B4GALNT3: variants seen among roughly 807,000 people sequenced by gnomAD.
B4GALNT3 encodes beta-1,4-N-acetylgalactosaminyltransferase 3.
B4GALNT3 carries 86 observed loss-of-function variants against 120.2 expected under a neutral mutation model. That is an observed-to-expected ratio of 0.72 (90% CI 0.60 to 0.86). The LOEUF (loss-of-function observed/expected upper bound fraction) is 0.86, where lower values mean the gene tolerates loss of function less well. B4GALNT3 is among the 40% of genes least tolerant of loss of function. B4GALNT3 has a pLI of 0.00. For synonymous variants in B4GALNT3, 518 were observed against 510.4 expected (o/e 1.01, Z -0.20); for missense variants, 1,167 against 1,298.9 (o/e 0.90, Z 1.56).
At chr12:512,738 T>C (rs1324187594) in intron 1 of B4GALNT3, among the ~76,000 whole-genome samples, 7 of 126,678 alleles carry the variant, frequency 5.5e-5, no homozygotes, top group Non-Finnish European at 8.2e-5. Flanking sequence ...TTCTTCCACC[T>C]TTGACCTTCC....
chr12:547,114 G>C (rs1204523533), intron 7 of B4GALNT3, among the ~76,000 whole-genome samples: 1 of 152,198 alleles, frequency 6.6e-6, no homozygotes, highest in Non-Finnish European at 1.5e-5. Context: ...GCCTCAGAGC[G>C]CCCCCTGGTG....
At chr12:523,619 C>G (rs77565971) in intron 1 of B4GALNT3, among the ~76,000 whole-genome samples, 5 of 152,164 alleles carry the variant, frequency 3.3e-5, no homozygotes, top group African/African-American at 1.2e-4. Context: ...GGCTCTAGTC[C>G]GGTCCCTAGC....
chr12:525,148 G>A (rs942042743), intron 1 of B4GALNT3, among the ~76,000 whole-genome samples: 2 of 151,032 alleles, frequency 1.3e-5, no homozygotes, highest in African/African-American at 2.4e-5. Flanking sequence ...TCGCTCTGTC[G>A]CCCGGGCTGG....
Position 460,460 on chromosome 12 carries a change from G to C in B4GALNT3, c.84G>C (p.Ala28=). The C allele has an allele frequency of 6.3e-7, 1 of 1,580,996 alleles. No homozygotes were observed. ...LLRRRFRLLL[A]LAVVSVGLWT... is the part of the protein sequence containing the mutation. The stretch of plus-strand genomic sequence containing the variant: ...GGAGGCGCTTCCGGCTGCTGCTGGC[G>C]CTCGCCGTGGTGTCTGTGGGGCTCT... Residue 28 remains alanine (A), a synonymous_variant, in exon 1 of 20, where the codon GCG becomes GCC. Transcript: ENST00000266383. This position sits in a 1 kb window ranked among gnomAD's most constrained non-coding sequence, Gnocchi z 8.0.
intron 1 of B4GALNT3, among the ~76,000 whole-genome samples, chr12:462,288 CAGAG>C (rs935732097): frequency 5.3e-5 from 8 of 151,866 alleles, no homozygotes; most frequent in Admixed American, 3.3e-4. Context: ...AAATTAAAAA[CAGAG>C]AGAAAGGCAG....
At chr12:500,437 G>A (rs1946426945) in intron 1 of B4GALNT3, among the ~76,000 whole-genome samples, 1 of 152,176 alleles carries the variant, frequency 6.6e-6, no homozygotes, top group Admixed American at 6.5e-5. Context: ...TTGTGGCTTG[G>A]TTTCTCTAAT....
chr12:519,272 G>A (rs375653796), intron 1 of B4GALNT3, among the ~76,000 whole-genome samples: 9 of 152,268 alleles, frequency 5.9e-5, no homozygotes, highest in African/African-American at 1.9e-4. Flanking sequence ...ACAGTTAATA[G>A]CTTCTCAAGG....
chr12:511,897 A>C (rs1161322848), intron 1 of B4GALNT3, among the ~76,000 whole-genome samples: 2 of 67,616 alleles, frequency 3.0e-5, no homozygotes, highest in Admixed American at 1.5e-4. Context: ...TCCACCTTCC[A>C]CCTTCCGCCT....
intron 14 of B4GALNT3, 148 bp downstream of exon 14, chr12:554,131 C>T: frequency 1.6e-6 from 1 of 632,142 alleles, no homozygotes; most frequent in South Asian, 2.0e-5. Flanking sequence ...CTGGGAAGGA[C>T]AAGTGCCCGG....
rs1946184288 is a variant in B4GALNT3 at position 476,229 on chromosome 12, A to G, written c.169+15684A>G. Among the ~76,000 whole-genome samples the G allele has an allele frequency of 2.6e-5, 4 of 152,194 alleles. No homozygotes were observed. The South Asian group carries it at 8.3e-4, about 31-fold the overall frequency. ...GTCTCATTGTGTTTTTGTTGTGACA[A>G]TTAAGTGAAATAATACAGATAAAGT... is the stretch of plus-strand genomic sequence containing the variant. On this transcript the variant is annotated intron_variant, in intron 1 of 19. Transcript: ENST00000266383.
chr12:545,377 C>A lies in B4GALNT3; in HGVS notation c.547C>A (p.Gln183Lys). Residue 183 changes from glutamine (Q) to lysine (K), a missense_variant, in exon 6 of 20, where the codon CAG becomes AAG. Gln to Lys is a moderately conservative substitution (Grantham distance 53). This residue lies in a region of B4GALNT3 where 983 missense variants were observed against 1,102.5 expected (regional missense o/e 0.89). Transcript: ENST00000266383. The stretch of plus-strand genomic sequence containing the variant: ...CTCTCCCCGCTGCCCAGGGAAAATC[C>A]AGTTTGCCATTGCTGCAGATGACAA... ...YLHPFTDGKI[Q>K]FAIAADDNAE... The A allele has an allele frequency of 6.2e-7, 1 of 1,611,014 alleles. No homozygotes were observed. Among genetic ancestry groups the A allele is most frequent in the South Asian group, 1.1e-5 (1 of 90,208 alleles).
At chr12:557,835 G>T (rs1055515330) in intron 16 of B4GALNT3, 74 bp downstream of exon 16, 1 of 1,532,574 alleles carries the variant, frequency 6.5e-7, no homozygotes. Context: ...TGGGTCCAGG[G>T]TAGAGCCAGG....
chr12:517,118 A>C (rs533601024), intron 1 of B4GALNT3, among the ~76,000 whole-genome samples: 245 of 152,310 alleles, frequency 1.6e-3, no homozygotes, highest in Non-Finnish European at 2.6e-3. Flanking sequence ...AGTGAGTAAG[A>C]AAATTCACTG....
chr12:486,861 T>A (rs1946295472), intron 1 of B4GALNT3, among the ~76,000 whole-genome samples: 1 of 151,766 alleles, frequency 6.6e-6, no homozygotes, highest in South Asian at 2.1e-4. Flanking sequence ...AGAACCAGAG[T>A]AGGTATGGAA....
chr12:547,885 C>T, intron 7 of B4GALNT3, 139 bp from the exon 8 acceptor site: 1 of 708,860 alleles, frequency 1.4e-6, no homozygotes, highest in Non-Finnish European at 2.5e-6. Flanking sequence ...GGGCTCGAAC[C>T]TAGGCAGTTA....
At chr12:518,487 C>G (rs1336707827) in intron 1 of B4GALNT3, among the ~76,000 whole-genome samples, 1 of 152,192 alleles carries the variant, frequency 6.6e-6, no homozygotes, top group Non-Finnish European at 1.5e-5. Context: ...TCATAGCTCA[C>G]TGCAGACTCC....
intron 1 of B4GALNT3, among the ~76,000 whole-genome samples, chr12:514,922 G>A (rs951661853): frequency 3.1e-4 from 47 of 152,002 alleles, no homozygotes; most frequent in Admixed American, 1.3e-4. Context: ...CCAGCTACTC[G>A]AGAGGCTGAG....
Position 460,780 on chromosome 12 carries a change from C to T in B4GALNT3, c.169+235C>T, listed in dbSNP as rs1222182045. Among the ~76,000 whole-genome samples, 2 of 152,090 alleles carry T rather than the reference C, an allele frequency of 1.3e-5. No individual in the cohort carries two copies. Among genetic ancestry groups the T allele is most frequent in the Admixed American group, 1.3e-4 (2 of 15,288 alleles). On this transcript the variant is annotated intron_variant, in intron 1 of 19. Coordinates refer to ENST00000266383, the MANE Select transcript of B4GALNT3 (RefSeq NM_173593.4). This position sits in a 1 kb window ranked among gnomAD's most constrained non-coding sequence, Gnocchi z 8.0. The stretch of plus-strand genomic sequence containing the variant: ...GCCCGCCGGCCACGTGGGTCCGGGG[C>T]ACCCTGGGGGCTCCTCGCGTCTCCC...
At chr12:503,530 C>A (rs187101490) in intron 1 of B4GALNT3, among the ~76,000 whole-genome samples, 2 of 152,306 alleles carry the variant, frequency 1.3e-5, no homozygotes, top group Non-Finnish European at 2.9e-5. Flanking sequence ...ACTGCTCACG[C>A]CTCTTTGCTG....
Sources: gnomAD v4.1 joint callset for allele counts (sites outside exome capture counted in the v4.1 genomes callset) on GRCh38, gnomAD v4.1.1 for gene constraint, gnomAD v4.1.1 regional missense constraint, Gnocchi (gnomAD v3.1) non-coding constraint, MANE v1.5 for transcripts, NCBI Gene and HGNC (gene_info 2026-07-23, HGNC 2026-07-21) for gene names.